The following FAM185A variants were observed in gnomAD, a reference collection of about 807,000 sequenced individuals.
FAM185A encodes the protein family with sequence similarity 185 member A.
Under a neutral mutation model 45.7 loss-of-function variants are expected in FAM185A, and 21 were observed. The ratio of observed to expected loss-of-function variants is 0.46; its 90% CI spans 0.33 to 0.66. The LOEUF is 0.66. FAM185A is among the 30% of genes least tolerant of loss of function. The pLI, the probability that FAM185A is intolerant of heterozygous loss-of-function variation, is 0.03. For synonymous variants in FAM185A, 117 were observed against 194.0 expected (o/e 0.60, Z 3.30); for missense variants, 305 against 485.4 (o/e 0.63, Z 3.49).
chr7:102,784,011 G>C (rs576800675), intron 6 of FAM185A, among the ~76,000 whole-genome samples: 1 of 152,108 alleles, frequency 6.6e-6, no homozygotes, highest in East Asian at 1.9e-4. Flanking sequence ...TATCATCACC[G>C]ATCCCACAGA....
intron 6 of FAM185A, among the ~76,000 whole-genome samples, chr7:102,778,976 G>A (rs1435969934): frequency 6.6e-6 from 1 of 152,176 alleles, no homozygotes; most frequent in East Asian, 1.9e-4. Context: ...TATAATGCTT[G>A]TTTTCTTTCA....
At chr7:102,753,791 G>C (rs554802987) in intron 2 of FAM185A, among the ~76,000 whole-genome samples, 1 of 151,880 alleles carries the variant, frequency 6.6e-6, no homozygotes, top group East Asian at 1.9e-4. Flanking sequence ...ATGTATTTCA[G>C]GTTTATAAAA....
chr7:102,811,052 G>A (rs917724608), downstream of FAM185A, among the ~76,000 whole-genome samples: 2 of 152,184 alleles, frequency 1.3e-5, no homozygotes, highest in African/African-American at 4.8e-5. Context: ...TATTTGGTAT[G>A]GTTGTGGTGT....
intron 4 of FAM185A, among the ~76,000 whole-genome samples, chr7:102,770,966 C>T (rs921016803): frequency 3.9e-5 from 6 of 152,340 alleles, no homozygotes; most frequent in African/African-American, 1.4e-4. Flanking sequence ...CCTATGTGCC[C>T]ATCAGTGGTG....
intron 6 of FAM185A, among the ~76,000 whole-genome samples, chr7:102,783,178 T>C (rs1024159125): frequency 1.3e-5 from 2 of 151,116 alleles, no homozygotes; most frequent in African/African-American, 4.9e-5. Context: ...CAAGGAGACT[T>C]AGACTCCCAC....
the FAM185A span, among the ~76,000 whole-genome samples, chr7:102,842,484 A>G: frequency 1.3e-5 from 2 of 152,276 alleles, no homozygotes; most frequent in African/African-American, 4.8e-5. Context: ...GAGTCTATCA[A>G]CTGATGAGAA....
intron 4 of FAM185A, among the ~76,000 whole-genome samples, chr7:102,771,262 A>G (rs1794728847): frequency 6.6e-6 from 1 of 152,098 alleles, no homozygotes; most frequent in African/African-American, 2.4e-5. Flanking sequence ...TACTATGCCT[A>G]GTACCTGGGT....
At chr7:102,771,581 GAAATGAGATA>G (rs1319641363) in intron 4 of FAM185A, among the ~76,000 whole-genome samples, 1 of 151,928 alleles carries the variant, frequency 6.6e-6, no homozygotes, top group African/African-American at 2.4e-5. Flanking sequence ...TAAGGTATAT[GAAATGAGATA>G]AAATGAGTTT....
chr7:102,758,661 A>T (rs963011847), intron 3 of FAM185A, among the ~76,000 whole-genome samples: 186 of 151,954 alleles, frequency 1.2e-3, no homozygotes, highest in African/African-American at 4.3e-3. Flanking sequence ...ACAATTTGCA[A>T]GAGCTTTTTT....
chr7:102,843,620 C>A, the FAM185A span, among the ~76,000 whole-genome samples: 1 of 151,780 alleles, frequency 6.6e-6, no homozygotes, highest in African/African-American at 2.4e-5. Context: ...ACGAAAAATA[C>A]AAAAAATTAG....
intron 5 of FAM185A, among the ~76,000 whole-genome samples, chr7:102,772,974 C>A (rs1794846462): frequency 6.6e-6 from 1 of 151,982 alleles, no homozygotes; most frequent in Non-Finnish European, 1.5e-5. Flanking sequence ...AGACAACAAG[C>A]ACATAAATAA....
intron 5 of FAM185A, among the ~76,000 whole-genome samples, chr7:102,776,712 A>AAAAAAAAG (rs1562859356): frequency 1.3e-5 from 2 of 151,448 alleles, no homozygotes; most frequent in African/African-American, 2.4e-5. Context: ...TAAAAAAAAA[A>AAAAAAAAG]AAAAAAAGAA....
the FAM185A span, among the ~76,000 whole-genome samples, chr7:102,840,805 T>C: frequency 4.2e-4 from 64 of 152,138 alleles, no homozygotes; most frequent in Non-Finnish European, 6.8e-4. Flanking sequence ...AGTTTCTTCA[T>C]ATATAAGAGG....
At chr7:102,792,749 A>G (rs1243977062) in intron 7 of FAM185A, among the ~76,000 whole-genome samples, 1 of 145,864 alleles carries the variant, frequency 6.9e-6, no homozygotes, top group Non-Finnish European at 1.5e-5. Flanking sequence ...AGCATATACA[A>G]CATAAATTCA....
chr7:102,837,155 C>G, the FAM185A span, among the ~76,000 whole-genome samples: 1 of 152,226 alleles, frequency 6.6e-6, no homozygotes, highest in African/African-American at 2.4e-5. Flanking sequence ...CTACACTCCA[C>G]CAACAATGGC....
chr7:102,801,011 C>A (rs1310319325), intron 7 of FAM185A, among the ~76,000 whole-genome samples: 1 of 152,178 alleles, frequency 6.6e-6, no homozygotes, highest in African/African-American at 2.4e-5. Flanking sequence ...AAAGGAAAAC[C>A]TATCAGATTA....
At chr7:102,845,857 G>C in the FAM185A span, among the ~76,000 whole-genome samples, 7 of 152,096 alleles carry the variant, frequency 4.6e-5, no homozygotes, top group African/African-American at 1.7e-4. Context: ...TCCCATGCTG[G>C]ATTAGGTACC....
chr7:102,846,133 C>CCA, the FAM185A span, among the ~76,000 whole-genome samples: 1 of 152,172 alleles, frequency 6.6e-6, no homozygotes, highest in Non-Finnish European at 1.5e-5. Flanking sequence ...CTGACAACCA[C>CCA]CACATAGTAT....
downstream of FAM185A, among the ~76,000 whole-genome samples, chr7:102,812,581 A>G (rs974677495): frequency 1.3e-5 from 2 of 152,172 alleles, no homozygotes; most frequent in African/African-American, 4.8e-5. Flanking sequence ...AAATATTAAT[A>G]TATGTCTGTA....
Sources: allele counts gnomAD v4.1 joint callset (sites outside exome capture counted in the v4.1 genomes callset), GRCh38; gene constraint gnomAD v4.1.1; transcripts MANE v1.5; gene names NCBI Gene and HGNC (gene_info 2026-07-23, HGNC 2026-07-21).